Variants in AOPEP observed in about 807,000 individuals in gnomAD.
AOPEP encodes the protein aminopeptidase O (putative).
AOPEP carries 77 observed loss-of-function variants against 98.1 expected under a neutral mutation model. That is an observed-to-expected ratio of 0.78 (90% CI 0.65 to 0.95). The LOEUF (loss-of-function observed/expected upper bound fraction) is 0.95, where lower values mean the gene tolerates loss of function less well. Ranked by LOEUF, AOPEP falls within the 40% of genes least tolerant of loss-of-function variation. AOPEP has a pLI of 0.00. For missense variants in AOPEP, 1,024 were observed against 1,024.7 expected (o/e 1.00, Z 0.01); for synonymous variants, 346 against 365.3 (o/e 0.95, Z 0.60).
chr9:95,078,161 C>T (rs568328257), intron 14 of AOPEP, among the ~76,000 whole-genome samples: 87 of 152,168 alleles, frequency 5.7e-4, no homozygotes, highest in African/African-American at 2.0e-3. Flanking sequence ...CTATTTCTAA[C>T]AGTAAGAAAC....
At chr9:94,744,756 A>G (rs1244072201) in intron 1 of AOPEP, among the ~76,000 whole-genome samples, 3 of 151,938 alleles carry the variant, frequency 2.0e-5, no homozygotes, top group African/African-American at 7.2e-5. Flanking sequence ...ATTTACGATA[A>G]AATTATTTAG....
chr9:95,082,990 T>A (rs1312780895), intron 16 of AOPEP: 2 of 415,074 alleles, frequency 4.8e-6, no homozygotes, highest in Admixed American at 8.1e-5. Flanking sequence ...GGCACTATTT[T>A]GGCCACTTCA....
chr9:94,799,086 G>C (rs1274603050), intron 4 of AOPEP, among the ~76,000 whole-genome samples: 1 of 152,234 alleles, frequency 6.6e-6, no homozygotes, highest in Non-Finnish European at 1.5e-5. Context: ...GAACCATGCT[G>C]CTAGAAGGTG....
chr9:94,742,367 G>A (rs1170247199), intron 1 of AOPEP, among the ~76,000 whole-genome samples: 2 of 152,130 alleles, frequency 1.3e-5, no homozygotes, highest in Non-Finnish European at 2.9e-5. Context: ...CCTACCCACA[G>A]GCAGTAATTG....
chr9:94,949,689 T>G (rs2057958573), intron 7 of AOPEP, among the ~76,000 whole-genome samples: 1 of 152,244 alleles, frequency 6.6e-6, no homozygotes, highest in South Asian at 2.1e-4. Context: ...GTTAAAGGTT[T>G]ATTCACAACC....
At chr9:94,731,641 A>G (rs778630371) in intron 1 of AOPEP, among the ~76,000 whole-genome samples, 7 of 151,642 alleles carry the variant, frequency 4.6e-5, no homozygotes, top group Admixed American at 4.6e-4. Flanking sequence ...GTGCTATGTG[A>G]TATACTTTTA....
intron 5 of AOPEP, among the ~76,000 whole-genome samples, chr9:94,912,055 G>C (rs2052123654): frequency 6.6e-6 from 1 of 152,072 alleles, no homozygotes; most frequent in South Asian, 2.1e-4. Context: ...AGTGAGACCT[G>C]TGTCCGACTT....
intron 16 of AOPEP, 113 bp from the exon 17 acceptor site, chr9:95,086,569 C>CTG: frequency 1.0e-6 from 1 of 996,170 alleles, no homozygotes; most frequent in Non-Finnish European, 1.2e-6. Context: ...TCTCCTTGTC[C>CTG]TGTGATTAAA....
At chr9:94,899,431 G>A (rs192396813) in intron 5 of AOPEP, among the ~76,000 whole-genome samples, 12 of 147,076 alleles carry the variant, frequency 8.2e-5, no homozygotes, top group South Asian at 2.1e-4. Flanking sequence ...TTTTTTAACC[G>A]TGCAACTGTT....
intron 5 of AOPEP, among the ~76,000 whole-genome samples, chr9:94,864,909 T>A (rs2045539356): frequency 6.6e-6 from 1 of 152,184 alleles, no homozygotes; most frequent in South Asian, 2.1e-4. Context: ...TGGCTTTGAT[T>A]TGATGTACTT....
chr9:94,738,491 C>G (rs1234797732), intron 1 of AOPEP, among the ~76,000 whole-genome samples: 4 of 152,140 alleles, frequency 2.6e-5, no homozygotes, highest in Non-Finnish European at 4.4e-5. Flanking sequence ...TCCATAGGAA[C>G]ACTAGAACAT....
chr9:95,051,188 C>T (rs768834064), intron 13 of AOPEP, among the ~76,000 whole-genome samples: 4 of 148,744 alleles, frequency 2.7e-5, no homozygotes, highest in African/African-American at 7.4e-5. Flanking sequence ...CTCCCAGGTT[C>T]GAGTGATTCT....
chr9:94,903,912 A>T (rs113401949), intron 5 of AOPEP, among the ~76,000 whole-genome samples: 38 of 149,094 alleles, frequency 2.5e-4, no homozygotes, highest in East Asian at 2.4e-3. Context: ...AAAAAAAAAA[A>T]GTTCAAAAAA....
chr9:94,982,564 A>AATTTTTTTT (rs1564480333), intron 11 of AOPEP, among the ~76,000 whole-genome samples: 19 of 140,126 alleles, frequency 1.4e-4, no homozygotes, highest in African/African-American at 5.2e-4. Flanking sequence ...CAAGAGCAAT[A>AATTTTTTTT]CTTTTTTTTT....
intron 5 of AOPEP, among the ~76,000 whole-genome samples, chr9:94,882,279 C>T (rs2047676296): frequency 6.6e-6 from 1 of 152,172 alleles, no homozygotes; most frequent in African/African-American, 2.4e-5. Flanking sequence ...GAGTACAGTC[C>T]TCTTTCGTCA....
rs1409932025 is a variant in AOPEP at position 94,937,372 on chromosome 9, C to T, written c.1661+8841C>T. Among the ~76,000 whole-genome samples, 4 of 152,224 alleles carry T rather than the reference C, an allele frequency of 2.6e-5. No homozygotes were observed. In the South Asian group the frequency reaches 6.2e-4, roughly 24 times the overall value. ...CTTTTCTCTGCGTGTGCATGTCCCT[C>T]GTGTCCCTCTGTATGTCTTAATCTG... is the stretch of plus-strand genomic sequence containing the variant. On this transcript the variant is annotated intron_variant, in intron 7 of 16. Transcript: ENST00000375315.
intron 14 of AOPEP, among the ~76,000 whole-genome samples, chr9:95,068,311 C>T (rs149386671): frequency 8.9e-5 from 8 of 89,734 alleles, no homozygotes; most frequent in South Asian, 4.9e-4. Flanking sequence ...AGTATGGGTT[C>T]GGCCTCCACC....
intron 11 of AOPEP, among the ~76,000 whole-genome samples, chr9:94,986,187 C>G (rs72750360): frequency 6.6e-6 from 1 of 152,092 alleles, no homozygotes; most frequent in African/African-American, 2.4e-5. Flanking sequence ...AGACGGCCAC[C>G]TTCTCATCAT....
intron 5 of AOPEP, among the ~76,000 whole-genome samples, chr9:94,871,108 G>T (rs1403232430): frequency 6.6e-6 from 1 of 152,214 alleles, no homozygotes. Flanking sequence ...TAGCCTGGAG[G>T]GCATTCTGAT....
Sources: allele counts gnomAD v4.1 joint callset (sites outside exome capture counted in the v4.1 genomes callset), GRCh38; gene constraint gnomAD v4.1.1; transcripts MANE v1.5; gene names NCBI Gene and HGNC (gene_info 2026-07-23, HGNC 2026-07-21).